RBMS1: variants seen among roughly 807,000 people sequenced by gnomAD.
RBMS1 encodes RNA binding motif single stranded interacting protein 1.
A neutral mutation model predicts 62.3 loss-of-function variants in RBMS1; 17 were observed. The observed-to-expected ratio is 0.27, with a 90% confidence interval of 0.19 to 0.41. RBMS1 has a LOEUF of 0.41. Among genes scored for constraint, RBMS1 ranks in the 10% least tolerant of loss-of-function variants. The probability of loss-of-function intolerance (pLI) is 1.00; values close to 1 mark genes in which losing one functional copy is unlikely to be tolerated. For synonymous variants in RBMS1, 172 were observed against 170.0 expected (o/e 1.01, Z -0.09); for missense variants, 334 against 504.5 (o/e 0.66, Z 3.24).
intron 10 of RBMS1, among the ~76,000 whole-genome samples, chr2:160,280,283 G>A (rs1688036381): frequency 6.6e-6 from 1 of 152,144 alleles, no homozygotes; most frequent in Non-Finnish European, 1.5e-5. Context: ...GTCTATGTAT[G>A]TGCACATGTA....
intron 1 of RBMS1, among the ~76,000 whole-genome samples, chr2:160,406,036 C>T (rs1695686379): frequency 6.6e-6 from 1 of 152,168 alleles, no homozygotes; most frequent in African/African-American, 2.4e-5. Context: ...CTTCGAGATG[C>T]CTGCTTCTGA....
At chr2:160,471,167 A>G (rs1015742893) in intron 1 of RBMS1, among the ~76,000 whole-genome samples, 8 of 152,222 alleles carry the variant, frequency 5.3e-5, no homozygotes, top group Admixed American at 2.0e-4. Flanking sequence ...CAGGAGCCCA[A>G]TATGAACCAA....
intron 1 of RBMS1, among the ~76,000 whole-genome samples, chr2:160,414,897 T>C (rs1479093453): frequency 6.6e-6 from 1 of 152,088 alleles, no homozygotes; most frequent in East Asian, 1.9e-4. Context: ...CATATCCTTT[T>C]CAAAAATACA....
At chr2:160,291,965 T>G (rs570003925) in intron 6 of RBMS1, among the ~76,000 whole-genome samples, 1 of 152,350 alleles carries the variant, frequency 6.6e-6, no homozygotes, top group South Asian at 2.1e-4. Context: ...ATTTTTCACA[T>G]TTGCAATGAT....
intron 1 of RBMS1, among the ~76,000 whole-genome samples, chr2:160,431,552 A>T (rs1682895850): frequency 6.6e-6 from 1 of 152,152 alleles, no homozygotes. Flanking sequence ...CTGTTTCATA[A>T]TCTTAGGCTA....
In RBMS1 at chr2:160,275,625, C is replaced by T. The variant is rs1687794786; in HGVS notation, c.*7+5G>A. The T allele has an allele frequency of 6.2e-7, 1 of 1,613,056 alleles. No homozygotes were observed. The highest frequency in any genetic ancestry group is 8.5e-7 in the Non-Finnish European group (1 of 1,179,234). On this transcript the variant is annotated splice_donor_5th_base_variant and intron_variant, in intron 13 of 13. Coordinates refer to ENST00000348849, the MANE Select transcript of RBMS1 (RefSeq NM_016836.4). ...CCCCCAGTTATGAAGACCTTTCCCT[C>T]ATACCTCACAGTTACTTATTAGGTT...
chr2:160,407,750 A>G (rs1164330409), intron 1 of RBMS1: 224 of 980,930 alleles, frequency 2.3e-4, no homozygotes, highest in Non-Finnish European at 2.6e-4. Context: ...ACGGCGCGGC[A>G]GCGGGCGAGA....
intron 1 of RBMS1, among the ~76,000 whole-genome samples, chr2:160,401,067 G>A (rs575363768): frequency 4.6e-5 from 7 of 152,106 alleles, no homozygotes; most frequent in African/African-American, 1.7e-4. Context: ...AGACTGGATG[G>A]TTGAAAAAAA....
intron 1 of RBMS1, among the ~76,000 whole-genome samples, chr2:160,389,245 T>C (rs1055729317): frequency 2.6e-5 from 4 of 152,220 alleles, no homozygotes; most frequent in African/African-American, 9.6e-5. Context: ...GGAAACACAA[T>C]TTTTAAAGAA....
At chr2:160,283,425 T>TACGCCCAGCAG (rs2105933427) in intron 9 of RBMS1, 1 of 152,116 alleles carries the variant, frequency 6.6e-6, no homozygotes, top group African/African-American at 2.4e-5. Flanking sequence ...TAGTCAATAC[T>TACGCCCAGCAG]ACGCCCAGCA....
chr2:160,287,699 T>C (rs1005501613), intron 6 of RBMS1, among the ~76,000 whole-genome samples: 2 of 152,230 alleles, frequency 1.3e-5, no homozygotes, highest in African/African-American at 4.8e-5. Context: ...CTGGACTTTG[T>C]AGTTGCTTAT....
intron 1 of RBMS1, among the ~76,000 whole-genome samples, chr2:160,438,344 G>A (rs925540110): frequency 4.0e-5 from 6 of 151,384 alleles, no homozygotes; most frequent in Non-Finnish European, 7.4e-5. Flanking sequence ...ATAGTGGAGG[G>A]AAGGTCAGCA....
At chr2:160,300,804 A>ACACCCCCCCCCCCCCAC in intron 5 of RBMS1, 74 bp from the exon 6 acceptor site, 1 of 1,385,910 alleles carries the variant, frequency 7.2e-7, no homozygotes. Flanking sequence ...TGCATGCATA[A>ACACCCCCCCCCCCCCAC]ACATTCTTAT....
At chr2:160,386,934 C>T (rs1001873235) in intron 1 of RBMS1, among the ~76,000 whole-genome samples, 3 of 152,130 alleles carry the variant, frequency 2.0e-5, no homozygotes, top group Admixed American at 2.0e-4. Flanking sequence ...CTATTACAAA[C>T]GTGGGCTTAC....
intron 2 of RBMS1, among the ~76,000 whole-genome samples, chr2:160,361,558 T>C (rs1307307227): frequency 2.6e-5 from 4 of 152,198 alleles, no homozygotes; most frequent in Non-Finnish European, 5.9e-5. Flanking sequence ...AAACGAATTT[T>C]TTTGTTTCCC....
chr2:160,361,784 T>C (rs535141966), intron 2 of RBMS1, among the ~76,000 whole-genome samples: 1 of 152,292 alleles, frequency 6.6e-6, no homozygotes, highest in Non-Finnish European at 1.5e-5. Context: ...TGCTTGAGAA[T>C]AGCCACTGCA....
At position 160,272,710 on chromosome 2, in the gene RBMS1, C is replaced by A. The variant is rs1351934248; in HGVS notation, c.*2062G>T. On this transcript the variant is annotated 3_prime_UTR_variant, in exon 14 of 14. Transcript: ENST00000348849. The stretch of plus-strand genomic sequence containing the variant: ...TGGACTTTCACAAAGCAGTAATATT[C>A]CAGGGAGCATAGAACCAATAATACC... The A allele has an allele frequency of 1.1e-4, 17 of 152,006 alleles. No individual in the cohort carries two copies. Among genetic ancestry groups the A allele is most frequent in the African/African-American group, 3.9e-4 (16 of 41,356 alleles). The allele number at this position is 152,006 out of a possible 1,614,324, so 9.4% of individuals were successfully genotyped here.
chr2:160,481,096 A>G (rs1685351120), intron 1 of RBMS1, among the ~76,000 whole-genome samples: 1 of 151,522 alleles, frequency 6.6e-6, no homozygotes, highest in African/African-American at 2.4e-5. Flanking sequence ...AAAAAAAAAA[A>G]AAGCAGGAGT....
At chr2:160,376,767 C>T (rs1200041984) in intron 1 of RBMS1, among the ~76,000 whole-genome samples, 2 of 151,954 alleles carry the variant, frequency 1.3e-5, no homozygotes, top group Non-Finnish European at 2.9e-5. Flanking sequence ...TCCCACGTAG[C>T]TGGGACAATA....
Sources: allele counts gnomAD v4.1 joint callset (sites outside exome capture counted in the v4.1 genomes callset), GRCh38; gene constraint gnomAD v4.1.1; transcripts MANE v1.5; gene names NCBI Gene and HGNC (gene_info 2026-07-23, HGNC 2026-07-21).